Variants in ITIH1 observed in about 807,000 individuals in gnomAD.
The protein encoded by ITIH1 is inter-alpha-trypsin inhibitor heavy chain 1, also known as inter-alpha-trypsin inhibitor heavy chain H1.
Under a neutral mutation model 104.6 loss-of-function variants are expected in ITIH1, and 94 were observed. The ratio of observed to expected loss-of-function variants is 0.90; its 90% CI spans 0.76 to 1.07. The LOEUF (loss-of-function observed/expected upper bound fraction) is 1.07, where lower values mean the gene tolerates loss of function less well. Among genes scored for constraint, ITIH1 ranks in the 50% least tolerant of loss-of-function variants. The pLI is 0.00. For missense variants in ITIH1, 1,193 were observed against 1,181.4 expected (o/e 1.01, Z -0.14); for synonymous variants, 455 against 464.4 (o/e 0.98, Z 0.26).
rs747540760 is a variant in ITIH1, at chr3:52,789,670, C to T, written c.2137C>T (p.Gln713Ter). ...DPNTGFSVNG[Q>*]LIGNKARSPG... ...CATTGCAGGCTTCTCAGTGAATGGA[C>T]AGCTCATTGGCAACAAGGCCAGGAG... The change falls in exon 19 of 22, where the codon CAG becomes TAG. Residue 713 changes from glutamine to a stop codon, truncating the protein, a stop_gained. Transcript: ENST00000273283. LOFTEE classifies it high-confidence loss of function. 1.2e-6 allele frequency: 2 copies of T among 1,614,198 alleles called. No homozygotes were observed. Among genetic ancestry groups the T allele is most frequent in the South Asian group, 1.1e-5 (1 of 91,080 alleles).
intron 15 of ITIH1, 106 bp downstream of exon 15, chr3:52,787,308 C>A: frequency 6.8e-7 from 1 of 1,460,198 alleles, no homozygotes; most frequent in Non-Finnish European, 9.6e-7. Context: ...TCTTCCCTGA[C>A]TCCACTCCTT....
rs1699201625 is a variant in ITIH1 at position 52,786,366 on chromosome 3, C to A, written c.1665C>A (p.Gly555=). 2.5e-6 allele frequency: 4 copies of A among 1,582,686 alleles called. No individual in the cohort carries two copies. The highest frequency in any genetic ancestry group is 2.3e-5 in the East Asian group (1 of 43,388). The change falls in exon 13 of 22, where the codon GGC becomes GGA. Residue 555 remains glycine (G), a synonymous_variant. Transcript: ENST00000273283. ...TGAAGAAACTGCTCCGAGAGCGTGGCCACATGCTGGAGAACCACGTCGAGC... is the reference window on the plus strand; with the variant it reads ...TGAAGAAACTGCTCCGAGAGCGTGGACACATGCTGGAGAACCACGTCGAGC... ...EEMKKLLRER[G]HMLENHVERL...
Position 52,785,193 on chromosome 3 carries a change from A to G in ITIH1, c.1557A>G (p.Lys519=). ...TGGCCGGGCGCATTGCTGACAACAAACAGAGCAGCTTCAAGGCTGATGTGC... is the reference window on the plus strand; with the variant it reads ...TGGCCGGGCGCATTGCTGACAACAAGCAGAGCAGCTTCAAGGCTGATGTGC... ...IVVAGRIADN[K]QSSFKADVQA... The change falls in exon 12 of 22, where the codon AAA becomes AAG. Residue 519 remains lysine, a synonymous_variant. Transcript: ENST00000273283. The G allele has an allele frequency of 6.2e-7, 1 of 1,614,114 alleles. No individual in the cohort carries two copies.
Position 52,790,892 on chromosome 3 carries a change from G to A in ITIH1, c.2465G>A (p.Arg822Gln), listed in dbSNP as rs766584401. Residue 822 changes from arginine (R) to glutamine (Q), a missense_variant, in exon 20 of 22, where the codon CGG (arginine) becomes CAG (glutamine). Arg to Gln is a conservative substitution (Grantham distance 43). Coordinates refer to ENST00000273283, the MANE Select transcript of ITIH1 (RefSeq NM_002215.4). ...GGCTTCTATGTGCTGGACAGTCATC[G>A]GATGTCAGCCCGGACGCACGGGCTG... ...FLGFYVLDSH[R>Q]MSARTHGLLG... The A allele has an allele frequency of 1.6e-5, 26 of 1,607,930 alleles. No homozygotes were observed. The highest frequency in any genetic ancestry group is 2.0e-5 in the Non-Finnish European group (24 of 1,177,892).
chr3:52,780,428 C>T (rs779454784), intron 6 of ITIH1, 46 bp downstream of exon 6: 12 of 1,309,600 alleles, frequency 9.2e-6, no homozygotes, highest in African/African-American at 4.4e-5. Flanking sequence ...TTGGAGACTT[C>T]TCAGCCTGCC....
rs979930631 is a variant in ITIH1, at chr3:52,779,865, A to T, written c.573+271A>T. On this transcript the variant is annotated intron_variant, in intron 5 of 21. Coordinates refer to ENST00000273283, the MANE Select transcript of ITIH1 (RefSeq NM_002215.4). This position sits in a 1 kb window ranked among gnomAD's most constrained non-coding sequence, Gnocchi z 4.4. ...GACCGCCACAGGGATCACGAGAAGT[A>T]CTGAATGTCCAGGTAATTTTGTAAA... The T allele has an allele frequency of 1.7e-5, 24 of 1,378,234 alleles. No homozygotes were observed. The highest frequency in any genetic ancestry group is 2.2e-5 in the Non-Finnish European group (23 of 1,058,856). The allele number at this position is 1,378,234 out of a possible 1,614,324, so 85.4% of individuals were successfully genotyped here. A position where few individuals can be genotyped will look rare whatever the true frequency, so the allele number is the denominator to read the frequency against.
chr3:52,791,619 C>G lies in ITIH1; in HGVS notation c.2597C>G (p.Thr866Arg). 6.2e-7 allele frequency: 1 copy of G among 1,613,830 alleles called. No homozygotes were observed. Among genetic ancestry groups the G allele is most frequent in the East Asian group, 2.2e-5 (1 of 44,882 alleles). Residue 866 changes from threonine (T) to arginine (R), a missense_variant, in exon 21 of 22, where the codon ACG (threonine) becomes AGG (arginine). By Grantham distance (71) the Thr-to-Arg change is moderately conservative. Coordinates refer to ENST00000273283, the MANE Select transcript of ITIH1 (RefSeq NM_002215.4). ...ATGGTGGTGAGGAACCGCCGGCTCACGGTCACCAGGTGGGTGGGCTGCTTG... is the reference window on the plus strand; with the variant it reads ...ATGGTGGTGAGGAACCGCCGGCTCAGGGTCACCAGGTGGGTGGGCTGCTTG... ...ATMVVRNRRL[T>R]VTRGLQKDYS...
At chr3:52,786,195 C>A in intron 12 of ITIH1, 100 bp from the exon 13 acceptor site, 1 of 1,194,562 alleles carries the variant, frequency 8.4e-7, no homozygotes. Flanking sequence ...GAGGACGAAG[C>A]TGCAGATACC....
rs753150309 is a variant in ITIH1, at chr3:52,791,822, GC to G, written c.2649del (p.Glu884ArgfsTer50). On this transcript the variant is annotated frameshift_variant, in exon 22 of 22. Transcript: ENST00000273283. LOFTEE classifies it low-confidence loss of function (END_TRUNC). ...KDYSKDPWHG[A>X]EVSCWFIHNN... Reference sequence around the variant, plus strand: ...CTACAGCAAGGACCCGTGGCATGGGGCCGAGGTGTCCTGCTGGTTCATTCAC... The same window carrying G: ...CTACAGCAAGGACCCGTGGCATGGGGCGAGGTGTCCTGCTGGTTCATTCAC... 1 of 1,614,158 alleles carries G rather than the reference GC, an allele frequency of 6.2e-7. No individual in the cohort carries two copies. Among genetic ancestry groups the G allele is most frequent in the South Asian group, 1.1e-5 (1 of 91,076 alleles).
In ITIH1 at chr3:52,784,425, A is replaced by G. The variant is rs1261550298; in HGVS notation, c.1355A>G (p.Asn452Ser). ...NFLEVMSMEN[N>S]GRAQRIYEDH... ...CTGGAGGTCATGTCCATGGAGAACA[A>G]CGGACGGGCCCAGAGAATCTACGAG... is the stretch of plus-strand genomic sequence containing the variant. The change falls in exon 11 of 22, where the codon AAC becomes AGC. Residue 452 changes from asparagine (N) to serine (S), a missense_variant. Asn to Ser is a conservative substitution (Grantham distance 46). Transcript: ENST00000273283. 6.2e-7 allele frequency: 1 copy of G among 1,614,160 alleles called. No homozygotes were observed. The highest frequency in any genetic ancestry group is 2.2e-5 in the East Asian group (1 of 44,888).
chr3:52,788,493 G>C (rs2239550), intron 18 of ITIH1, 148 bp downstream of exon 18: 230,181 of 619,604 alleles, frequency 0.37, 44,745 homozygotes, highest in Admixed American at 0.49. Context: ...GCCTTCCCAC[G>C]CCATCCTCCT....
rs544133109 is a variant in ITIH1 at position 52,784,928 on chromosome 3, C to T, written c.1408-116C>T. The stretch of plus-strand genomic sequence containing the variant: ...ACCTCGAGCCAGCTACTTGACCTCT[C>T]GGACCCTCAAATTCCTTCTCTAACT... On this transcript the variant is annotated intron_variant, in intron 11 of 21. Coordinates refer to ENST00000273283, the MANE Select transcript of ITIH1 (RefSeq NM_002215.4). 5.1e-4 allele frequency: 537 copies of T among 1,044,834 alleles called. 2 individuals are homozygous for T. The African/African-American group carries it at 7.4e-3, about 14-fold the overall frequency. 64.7% of individuals were successfully genotyped at this position (1,044,834 alleles called of 1,614,324 possible).
In ITIH1 at chr3:52,788,308, T is replaced by C. The variant is rs781344184; in HGVS notation, c.2082T>C (p.Pro694=). 55 of 1,610,180 alleles carry C rather than the reference T, an allele frequency of 3.4e-5. No homozygotes were observed. The highest frequency in any genetic ancestry group is 4.4e-5 in the Non-Finnish European group (52 of 1,178,328). Residue 694 remains proline, a synonymous_variant, in exon 18 of 22, where the codon CCT becomes CCC. Transcript: ENST00000273283. ...DTLCFNINEE[P]GVILSLVQDP... ...TGTGCTTCAACATCAATGAGGAGCCTGGTGTTATCCTGAGCCTGGTACAGG... is the reference window on the plus strand; with the variant it reads ...TGTGCTTCAACATCAATGAGGAGCCCGGTGTTATCCTGAGCCTGGTACAGG...
rs775910685 is a variant in ITIH1, at chr3:52,785,176, C to T, written c.1540C>T (p.Arg514Cys). Reference sequence around the variant, plus strand: ...AGGCTCAGAGATTGTGGTGGCCGGGCGCATTGCTGACAACAAACAGAGCAG... The same window carrying T: ...AGGCTCAGAGATTGTGGTGGCCGGGTGCATTGCTGACAACAAACAGAGCAG... Reference protein sequence around the residue: ...YEGSEIVVAGRIADNKQSSFK... With the variant: ...YEGSEIVVAGCIADNKQSSFK... The change falls in exon 12 of 22, where the codon CGC becomes TGC. Residue 514 changes from arginine (R) to cysteine (C), a missense_variant. Coordinates refer to ENST00000273283, the MANE Select transcript of ITIH1 (RefSeq NM_002215.4). 1.2e-5 allele frequency: 19 copies of T among 1,614,130 alleles called. No individual in the cohort carries two copies. The highest frequency in any genetic ancestry group is 8.0e-5 in the African/African-American group (6 of 75,026).
At chr3:52,777,959 GT>G in intron 1 of ITIH1, 37 bp from the exon 2 acceptor site, 1 of 1,613,988 alleles carries the variant, frequency 6.2e-7, no homozygotes, top group Middle Eastern at 1.7e-4. Flanking sequence ...GGTCCCCTGA[GT>G]TTTCCTCTCA....
chr3:52,779,298 T>C lies in ITIH1; in HGVS notation c.411-134T>C, dbSNP rs1383791736. 1 of 1,003,494 alleles carries C rather than the reference T, an allele frequency of 1.0e-6. No homozygotes were observed. Among genetic ancestry groups the C allele is most frequent in the African/African-American group, 1.6e-5 (1 of 62,490 alleles). 62.2% of individuals were successfully genotyped at this position (1,003,494 alleles called of 1,614,324 possible). ...ACCCTGACCAGCCAGCTAACACATTTGTGAGGTCCAGGGAAACCTGGGAGC... is the reference window on the plus strand; with the variant it reads ...ACCCTGACCAGCCAGCTAACACATTCGTGAGGTCCAGGGAAACCTGGGAGC... On this transcript the variant is annotated intron_variant, in intron 4 of 21. Transcript: ENST00000273283. This position sits in a 1 kb window ranked among gnomAD's most constrained non-coding sequence, Gnocchi z 4.4.
At chr3:52,777,825 C>A in intron 1 of ITIH1, 93 bp downstream of exon 1, 2 of 1,344,000 alleles carry the variant, frequency 1.5e-6, no homozygotes, top group Non-Finnish European at 2.1e-6. Flanking sequence ...GGGCCAGGGT[C>A]ACCCCCACCA....
chr3:52,785,085 G>A lies in ITIH1; in HGVS notation c.1449G>A (p.Val483=), dbSNP rs1215638418. ...SQVAKPLLVD[V]DLQYPQDAVL... is the part of the protein sequence containing the mutation. ...TAGCCAAACCCCTGCTGGTGGATGT[G>A]GATTTGCAGTACCCCCAGGATGCTG... Residue 483 remains valine (V), a synonymous_variant, in exon 12 of 22, where the codon GTG becomes GTA. Coordinates refer to ENST00000273283, the MANE Select transcript of ITIH1 (RefSeq NM_002215.4). The A allele has an allele frequency of 6.2e-7, 1 of 1,614,108 alleles. No homozygotes were observed. Among genetic ancestry groups the A allele is most frequent in the Non-Finnish European group, 8.5e-7 (1 of 1,179,990 alleles).
In ITIH1 at chr3:52,781,949, C is replaced by A. The variant is rs141071002; in HGVS notation, c.697C>A (p.Leu233Met). 6.2e-7 allele frequency: 1 copy of A among 1,614,042 alleles called. No homozygotes were observed. Among genetic ancestry groups the A allele is most frequent in the Non-Finnish European group, 8.5e-7 (1 of 1,180,034 alleles). The change falls in exon 7 of 22, where the codon CTG (leucine) becomes ATG (methionine). Residue 233 changes from leucine to methionine, a missense_variant. Physicochemically the swap from Leu to Met is conservative, Grantham distance 15. Transcript: ENST00000273283. ...CTCTCGACGGTTCCAGGGTCATGTG[C>A]TGTTCCGTCCCACCGTGAGCCAGCA... The part of the protein sequence containing the change: ...KSFSGKKGHV[L>M]FRPTVSQQQS...
Sources: gnomAD v4.1 joint callset for allele counts on GRCh38, gnomAD v4.1.1 for gene constraint, Gnocchi (gnomAD v3.1) non-coding constraint, MANE v1.5 for transcripts, NCBI Gene and HGNC (gene_info 2026-07-23, HGNC 2026-07-21) for gene names.